LRRC28: variants seen among roughly 807,000 people sequenced by gnomAD.
LRRC28 encodes leucine rich repeat containing 28.
Under a neutral mutation model 45.7 loss-of-function variants are expected in LRRC28, and 39 were observed. That is an observed-to-expected ratio of 0.85 (90% CI 0.66 to 1.12). LRRC28 has a LOEUF of 1.12. LRRC28 is among the 50% of genes most tolerant of loss of function. The probability of loss-of-function intolerance (pLI) is 0.00; values close to 1 mark genes in which losing one functional copy is unlikely to be tolerated. For missense variants in LRRC28, 435 were observed against 438.5 expected, an observed-to-expected ratio of 0.99 and a Z score of 0.07; for synonymous variants, 206 against 178.8, an observed-to-expected ratio of 1.15 and a Z score of -1.22.
At chr15:99,339,412 A>G (rs1186516922) in intron 6 of LRRC28, among the ~76,000 whole-genome samples, 1 of 152,178 alleles carries the variant, frequency 6.6e-6, no homozygotes, top group Admixed American at 6.5e-5. Context: ...TAGCGATGGA[A>G]TTCTTATTCA....
chr15:99,295,183 C>T (rs773212721), intron 5 of LRRC28, among the ~76,000 whole-genome samples: 16 of 152,182 alleles, frequency 1.1e-4, no homozygotes, highest in Admixed American at 6.5e-4. Flanking sequence ...ATTACTGATC[C>T]GATTGCTTCC....
chr15:99,286,023 G>C (rs2081949143), intron 3 of LRRC28, among the ~76,000 whole-genome samples: 1 of 152,074 alleles, frequency 6.6e-6, no homozygotes, highest in Non-Finnish European at 1.5e-5. Context: ...TCAATTTTCT[G>C]TCTTATTTTG....
At chr15:99,360,459 T>C (rs1011372624) in intron 7 of LRRC28, among the ~76,000 whole-genome samples, 1 of 152,162 alleles carries the variant, frequency 6.6e-6, no homozygotes, top group Non-Finnish European at 1.5e-5. Context: ...CTGACTGGCA[T>C]ATAGTAAGTG....
At chr15:99,311,899 G>A (rs1028065154) in intron 5 of LRRC28, among the ~76,000 whole-genome samples, 3 of 152,016 alleles carry the variant, frequency 2.0e-5, no homozygotes, top group Non-Finnish European at 2.9e-5. Flanking sequence ...AGCCATAGTC[G>A]TAACAGTGAG....
In LRRC28 at chr15:99,351,614, G is replaced by A. The variant is rs1308566884; in HGVS notation, c.593-755G>A. 2.0e-5 allele frequency among the ~76,000 whole-genome samples: 3 copies of A among 152,050 alleles called. No homozygotes were observed. In the East Asian group the frequency reaches 5.8e-4, roughly 29 times the overall value. ...GGAAGTTCTGTCTATTCCTACATCTGCCTGGATCTTCAGACTCCTGCCTAG... is the reference window on the plus strand; with the variant it reads ...GGAAGTTCTGTCTATTCCTACATCTACCTGGATCTTCAGACTCCTGCCTAG... On this transcript the variant is annotated intron_variant, in intron 6 of 9. Coordinates refer to ENST00000301981, the MANE Select transcript of LRRC28 (RefSeq NM_144598.5).
chr15:99,268,793 T>C (rs1390999347), intron 2 of LRRC28, among the ~76,000 whole-genome samples: 1 of 152,238 alleles, frequency 6.6e-6, no homozygotes, highest in Non-Finnish European at 1.5e-5. Context: ...ATTTTTATAT[T>C]GCTTTGAAAA....
At chr15:99,314,884 T>C (rs2152270032) in intron 5 of LRRC28, among the ~76,000 whole-genome samples, 1 of 152,310 alleles carries the variant, frequency 6.6e-6, no homozygotes, top group African/African-American at 2.4e-5. Flanking sequence ...TGCAGGACAA[T>C]GGAATTTACT....
chr15:99,356,097 A>G (rs1433956121), intron 7 of LRRC28, among the ~76,000 whole-genome samples: 1 of 152,216 alleles, frequency 6.6e-6, no homozygotes, highest in African/African-American at 2.4e-5. Flanking sequence ...TTAAAACAAA[A>G]ATATTAATTA....
intron 9 of LRRC28, among the ~76,000 whole-genome samples, chr15:99,379,698 A>G (rs967315492): frequency 1.3e-5 from 2 of 152,190 alleles, no homozygotes; most frequent in African/African-American, 2.4e-5. Flanking sequence ...ATTTCCCTCT[A>G]CACACTGCTT....
intron 5 of LRRC28, among the ~76,000 whole-genome samples, chr15:99,290,161 A>C (rs966436847): frequency 4.0e-5 from 6 of 151,698 alleles, no homozygotes; most frequent in African/African-American, 1.5e-4. Flanking sequence ...TGGGAGGCTG[A>C]AACAGGAGAA....
intron 7 of LRRC28, chr15:99,355,734 T>G (rs1318031876): frequency 1.4e-5 from 2 of 142,656 alleles, no homozygotes; most frequent in Non-Finnish European, 3.0e-5. Context: ...TGTTTAATTA[T>G]GTAAGAAAAA....
intron 7 of LRRC28, among the ~76,000 whole-genome samples, chr15:99,359,032 A>G (rs1486717080): frequency 1.3e-5 from 2 of 152,040 alleles, no homozygotes; most frequent in Non-Finnish European, 1.5e-5. Flanking sequence ...TTGAGATCAC[A>G]GACTGTACTC....
chr15:99,386,263 C>G lies in LRRC28; in HGVS notation c.*161C>G. On this transcript the variant is annotated 3_prime_UTR_variant, in exon 10 of 10. Coordinates refer to ENST00000301981, the MANE Select transcript of LRRC28 (RefSeq NM_144598.5). ...GAGCTAAAATGCCTTCACCCTTCCC[C>G]CAAGTTGGAATATATCCTCCCCCAA... 3.3e-6 allele frequency: 2 copies of G among 601,118 alleles called. No individual in the cohort carries two copies. Among genetic ancestry groups the G allele is most frequent in the South Asian group, 5.1e-5 (2 of 39,274 alleles). 37.2% of individuals were successfully genotyped at this position (601,118 alleles called of 1,614,324 possible).
Position 99,275,934 on chromosome 15 carries a change from C to T in LRRC28, c.169-642C>T, listed in dbSNP as rs112456364. Among the ~76,000 whole-genome samples, 100 of 152,252 alleles carry T rather than the reference C, an allele frequency of 6.6e-4. 1 individual carries two copies. The highest frequency in any genetic ancestry group is 2.3e-3 in the African/African-American group (94 of 41,544). On this transcript the variant is annotated intron_variant, in intron 2 of 9. Transcript: ENST00000301981. ...AGGAGGTGAGTGGCAGGCAAGCAAG[C>T]GAAGCTTCATCTGTATTTATAGCCA...
chr15:99,389,663 G>C lies in LRRC28; in HGVS notation c.*3561G>C, dbSNP rs557814525. On this transcript the variant is annotated 3_prime_UTR_variant, in exon 10 of 10. Coordinates refer to ENST00000301981, the MANE Select transcript of LRRC28 (RefSeq NM_144598.5). ...TTTAAATGGATCCTTACATTACCCT[G>C]CCTGTTTTATTATGCCTTCATTTTT... The C allele has an allele frequency of 7.7e-4, 117 of 152,080 alleles. 1 individual carries two copies. Among genetic ancestry groups the C allele is most frequent in the African/African-American group, 2.7e-3 (112 of 41,478 alleles). 9.4% of individuals were successfully genotyped at this position (152,080 alleles called of 1,614,324 possible). A position where few individuals can be genotyped will look rare whatever the true frequency, so the allele number is the denominator to read the frequency against.
chr15:99,340,971 A>C (rs1173357498), intron 6 of LRRC28, among the ~76,000 whole-genome samples: 1 of 152,198 alleles, frequency 6.6e-6, no homozygotes, highest in East Asian at 1.9e-4. Flanking sequence ...AAATTTTGTC[A>C]AGGAAATGGA....
At chr15:99,332,409 C>T (rs535187557) in intron 5 of LRRC28, among the ~76,000 whole-genome samples, 7 of 152,146 alleles carry the variant, frequency 4.6e-5, no homozygotes, top group East Asian at 1.9e-4. Context: ...AGCACAAATT[C>T]GTAAATATTA....
At position 99,387,908 on chromosome 15, in the gene LRRC28, A is replaced by G. The variant is rs1555586236; in HGVS notation, c.*1806A>G. Reference sequence around the variant, plus strand: ...ACAAATGTGTGATCTTTTTACAGTCACAACACCTGCTGCCCGGAAAGCACA... The same window carrying G: ...ACAAATGTGTGATCTTTTTACAGTCGCAACACCTGCTGCCCGGAAAGCACA... On this transcript the variant is annotated 3_prime_UTR_variant, in exon 10 of 10. Transcript: ENST00000301981. 1 of 152,228 alleles carries G rather than the reference A, an allele frequency of 6.6e-6. No homozygotes were observed. The highest frequency in any genetic ancestry group is 1.5e-5 in the Non-Finnish European group (1 of 68,062). 9.4% of individuals were successfully genotyped at this position (152,228 alleles called of 1,614,324 possible).
intron 5 of LRRC28, among the ~76,000 whole-genome samples, chr15:99,329,584 A>G (rs1956093358): frequency 6.6e-6 from 1 of 152,236 alleles, no homozygotes; most frequent in African/African-American, 2.4e-5. Context: ...TTACAATGTT[A>G]ACTTTGGGTA....
Sources: allele counts gnomAD v4.1 joint callset (sites outside exome capture counted in the v4.1 genomes callset), GRCh38; gene constraint gnomAD v4.1.1; transcripts MANE v1.5; gene names NCBI Gene and HGNC (gene_info 2026-07-23, HGNC 2026-07-21).